The following RBFOX3 variants were observed in gnomAD, a reference collection of about 807,000 sequenced individuals.
The protein encoded by RBFOX3 is RNA binding protein fox-1 homolog 3.
In RBFOX3, 17 loss-of-function variants were observed where a neutral mutation model predicts 48.7. That is an observed-to-expected ratio of 0.35 (90% CI 0.24 to 0.52). The LOEUF is 0.52. Among genes scored for constraint, RBFOX3 ranks in the 20% least tolerant of loss-of-function variants. RBFOX3 has a pLI of 0.94. For synonymous variants in RBFOX3, 212 were observed against 209.5 expected (o/e 1.01, Z -0.10); for missense variants, 382 against 497.5 (o/e 0.77, Z 2.21).
chr17:79,222,239 G>A (rs944574265), intron 4 of RBFOX3, among the ~76,000 whole-genome samples: 2 of 152,212 alleles, frequency 1.3e-5, no homozygotes, highest in African/African-American at 4.8e-5. Context: ...GCCCTTTATG[G>A]CTCCCTGGGG....
At chr17:79,202,949 T>C (rs1309181653) in intron 4 of RBFOX3, among the ~76,000 whole-genome samples, 1 of 152,048 alleles carries the variant, frequency 6.6e-6, no homozygotes, top group Non-Finnish European at 1.5e-5. Flanking sequence ...CCCACAGTGG[T>C]CTCAGCTCAG....
intron 1 of RBFOX3, among the ~76,000 whole-genome samples, chr17:79,526,222 G>A (rs1209860410): frequency 6.6e-6 from 1 of 152,154 alleles, no homozygotes; most frequent in Non-Finnish European, 1.5e-5. Flanking sequence ...AGGGGAGTGT[G>A]ACTCTCAGGT....
At chr17:79,545,321 T>G (rs2090275279) in intron 1 of RBFOX3, among the ~76,000 whole-genome samples, 1 of 152,024 alleles carries the variant, frequency 6.6e-6, no homozygotes, top group Admixed American at 6.5e-5. Flanking sequence ...GGGCCAGCCG[T>G]GTTTGGGTTT....
intron 2 of RBFOX3, among the ~76,000 whole-genome samples, chr17:79,340,445 T>C (rs1402186923): frequency 1.3e-5 from 2 of 152,264 alleles, no homozygotes; most frequent in African/African-American, 4.8e-5. Flanking sequence ...GCAGGGTTCC[T>C]GGGCTTACAG....
intron 13 of RBFOX3, 101 bp downstream of exon 13, chr17:79,095,412 G>T: frequency 9.5e-7 from 1 of 1,055,148 alleles, no homozygotes; most frequent in Non-Finnish European, 1.4e-6. Context: ...AGGCCTGGAA[G>T]AGTGGGTTAC....
intron 1 of RBFOX3, among the ~76,000 whole-genome samples, chr17:79,577,912 C>G (rs1236130822): frequency 6.6e-6 from 1 of 152,250 alleles, no homozygotes; most frequent in Non-Finnish European, 1.5e-5. Context: ...TGGCTCTGAA[C>G]CACTGTCACA....
intron 12 of RBFOX3, 33 bp downstream of exon 12, chr17:79,096,620 T>TTGGGCCCC: frequency 6.7e-7 from 1 of 1,502,346 alleles, no homozygotes; most frequent in Non-Finnish European, 9.1e-7. Flanking sequence ...GAACGCCTGA[T>TTGGGCCCC]CCCACCCTCC....
chr17:79,644,082 C>T, the RBFOX3 span, among the ~76,000 whole-genome samples: 1 of 152,026 alleles, frequency 6.6e-6, no homozygotes, highest in Admixed American at 6.5e-5. Flanking sequence ...CAACTTTATG[C>T]CAATACATTC....
intron 1 of RBFOX3, among the ~76,000 whole-genome samples, chr17:79,542,234 G>A (rs1405693227): frequency 7.9e-5 from 12 of 152,260 alleles, no homozygotes; most frequent in African/African-American, 2.4e-4. Flanking sequence ...CTCGAATTCA[G>A]ACAGCTCAGG....
chr17:79,338,581 G>C (rs2081562260), intron 2 of RBFOX3, among the ~76,000 whole-genome samples: 1 of 152,148 alleles, frequency 6.6e-6, no homozygotes, highest in South Asian at 2.1e-4. Context: ...ATTTATTAAA[G>C]ACTTCCTGTC....
chr17:79,300,239 G>A (rs2168477), intron 3 of RBFOX3, among the ~76,000 whole-genome samples: 80,021 of 151,970 alleles, frequency 0.53, 21,337 homozygotes, highest in Middle Eastern at 0.67. Context: ...TCCAGCCTCC[G>A]GAGCCACGAG....
At chr17:79,356,387 G>A (rs1395963859) in intron 2 of RBFOX3, among the ~76,000 whole-genome samples, 1 of 27,730 alleles carries the variant, frequency 3.6e-5, no homozygotes, top group Non-Finnish European at 8.3e-5. Flanking sequence ...TTTTTTTTTT[G>A]AGGAGGAGTC....
At chr17:79,524,717 G>A (rs893736107) in intron 1 of RBFOX3, among the ~76,000 whole-genome samples, 52 of 152,342 alleles carry the variant, frequency 3.4e-4, no homozygotes, top group Middle Eastern at 3.4e-3. Context: ...CACGGGCACT[G>A]CATCTTCCAG....
chr17:79,527,375 T>A (rs34231359), intron 1 of RBFOX3, among the ~76,000 whole-genome samples: 8,137 of 152,316 alleles, frequency 0.053, 289 homozygotes, highest in South Asian at 0.093. Flanking sequence ...TGCCACTGCA[T>A]ATAGAAGATC....
intron 1 of RBFOX3, among the ~76,000 whole-genome samples, chr17:79,571,617 C>T (rs896217410): frequency 1.4e-3 from 203 of 149,646 alleles, no homozygotes; most frequent in African/African-American, 4.1e-3. Context: ...CCTGGAGTCT[C>T]ATATTTGTGA....
At chr17:79,551,475 A>ATGGGTGGATGGACGGG (rs1374263325) in intron 1 of RBFOX3, among the ~76,000 whole-genome samples, 1 of 125,682 alleles carries the variant, frequency 8.0e-6, no homozygotes, top group Non-Finnish European at 1.7e-5. Context: ...GGATGAAAAG[A>ATGGGTGGATGGACGGG]TGGGTGGATG....
intron 1 of RBFOX3, among the ~76,000 whole-genome samples, chr17:79,606,286 G>A (rs983885991): frequency 6.6e-6 from 1 of 152,198 alleles, no homozygotes; most frequent in Non-Finnish European, 1.5e-5. Flanking sequence ...TGCTTTGGGA[G>A]AAAACATACT....
the RBFOX3 span, among the ~76,000 whole-genome samples, chr17:79,664,982 T>A: frequency 2.0e-5 from 3 of 152,206 alleles, no homozygotes; most frequent in Admixed American, 2.0e-4. Flanking sequence ...TCTGGAAAGA[T>A]CATAGTTTGT....
rs2046007245 is a variant in RBFOX3, at chr17:79,157,203, AC to A, written c.-33-41456del. The stretch of plus-strand genomic sequence containing the variant: ...GCTCTGCTCTTACTCCCCGTCTCCC[AC>A]CCCAGGGGCCCCCACTCTGTCCTCA... On this transcript the variant is annotated intron_variant, in intron 4 of 14. Coordinates refer to ENST00000693108, the MANE Select transcript of RBFOX3 (RefSeq NM_001350451.2). Among the ~76,000 whole-genome samples, 12 of 151,798 alleles carry A rather than the reference AC, an allele frequency of 7.9e-5. No homozygotes were observed. In the South Asian group the frequency reaches 2.3e-3, roughly 29 times the overall value.
Sources: allele counts gnomAD v4.1 joint callset (sites outside exome capture counted in the v4.1 genomes callset), GRCh38; gene constraint gnomAD v4.1.1; transcripts MANE v1.5; gene names NCBI Gene and HGNC (gene_info 2026-07-23, HGNC 2026-07-21).